PHACTR1: variants seen among roughly 807,000 people sequenced by gnomAD.
PHACTR1 encodes the protein RPEL repeat containing 1.
A neutral mutation model predicts 69.2 loss-of-function variants in PHACTR1; 16 were observed. The observed-to-expected ratio is 0.23, with a 90% CI of 0.16 to 0.35. The LOEUF is 0.35. Ranked by LOEUF, PHACTR1 falls within the 10% of genes least tolerant of loss-of-function variation. The pLI is 1.00. For synonymous variants in PHACTR1, 312 were observed against 284.5 expected (o/e 1.10, Z -0.97); for missense variants, 510 against 734.7 (o/e 0.69, Z 3.54).
intron 5 of PHACTR1, among the ~76,000 whole-genome samples, chr6:13,157,955 C>T (rs921579695): frequency 2.6e-5 from 4 of 152,082 alleles, no homozygotes; most frequent in African/African-American, 7.2e-5. Context: ...CAATCTCGCT[C>T]ACTGCAACCT....
At chr6:12,904,720 G>A (rs973780132) in intron 4 of PHACTR1, among the ~76,000 whole-genome samples, 5 of 151,944 alleles carry the variant, frequency 3.3e-5, no homozygotes, top group African/African-American at 7.3e-5. Flanking sequence ...GCACTGACCC[G>A]GACTCAGTCT....
intron 4 of PHACTR1, among the ~76,000 whole-genome samples, chr6:12,802,497 T>C (rs1158451329): frequency 6.6e-6 from 1 of 151,980 alleles, no homozygotes; most frequent in East Asian, 1.9e-4. Context: ...AGAGGAGCAA[T>C]TAGAGATGAC....
rs113696701 is a variant in PHACTR1, at chr6:12,960,091, A to C, written c.251-93274A>C. 3.2e-3 allele frequency among the ~76,000 whole-genome samples: 491 copies of C among 152,342 alleles called. 2 individuals are homozygous for C. The highest frequency in any genetic ancestry group is 0.011 in the African/African-American group (462 of 41,580). On this transcript the variant is annotated intron_variant, in intron 4 of 14. Transcript: ENST00000332995. ...TTCGGTTGACTGAGGTTTGCATTCC[A>C]ATTCTGCTACCTTTTCAGTGAGTGA...
At chr6:12,824,041 G>A (rs1332348647) in intron 4 of PHACTR1, among the ~76,000 whole-genome samples, 1 of 152,180 alleles carries the variant, frequency 6.6e-6, no homozygotes, top group East Asian at 1.9e-4. Context: ...TGAGCAGTGG[G>A]CAAGCAGGCG....
chr6:12,846,229 A>C (rs1411329855), intron 4 of PHACTR1, among the ~76,000 whole-genome samples: 2 of 152,204 alleles, frequency 1.3e-5, no homozygotes, highest in East Asian at 3.8e-4. Flanking sequence ...CTTAGTAAGC[A>C]TGTGCGTTTG....
At chr6:12,921,654 G>A (rs1787697674) in intron 4 of PHACTR1, among the ~76,000 whole-genome samples, 1 of 132,374 alleles carries the variant, frequency 7.6e-6, no homozygotes, top group Non-Finnish European at 1.6e-5. Flanking sequence ...AGGGAAGAAG[G>A]AAGGGAGGGA....
intron 3 of PHACTR1, among the ~76,000 whole-genome samples, chr6:12,719,175 G>A (rs1280300412): frequency 1.3e-5 from 2 of 152,192 alleles, no homozygotes; most frequent in African/African-American, 2.4e-5. Flanking sequence ...AGAATTTCCA[G>A]TTTGCAGCCA....
At chr6:12,849,239 T>G (rs1779586091) in intron 4 of PHACTR1, among the ~76,000 whole-genome samples, 1 of 152,230 alleles carries the variant, frequency 6.6e-6, no homozygotes, top group Admixed American at 6.5e-5. Context: ...CCAGTAGTTC[T>G]GGAAGACTTA....
rs1284736371 is a variant in PHACTR1 at position 13,275,753 on chromosome 6, T to C, written c.1448-2515T>C. On this transcript the variant is annotated intron_variant, in intron 11 of 14. Transcript: ENST00000332995. The surrounding 1 kb of genome is among the most constrained non-coding windows in gnomAD (Gnocchi z 4.0). ...ACTAGGTCCCCTCATGGCCCTAGTA[T>C]TCTGTGCTTCTGTAAATTTTCACCG... 1 of 152,188 alleles carries C rather than the reference T, an allele frequency of 6.6e-6. No homozygotes were observed. Among genetic ancestry groups the C allele is most frequent in the Non-Finnish European group, 1.5e-5 (1 of 68,040 alleles). The allele number at this position is 152,188 out of a possible 1,614,324, so 9.4% of individuals were successfully genotyped here.
At chr6:12,803,746 C>T (rs1019200890) in intron 4 of PHACTR1, among the ~76,000 whole-genome samples, 1 of 152,190 alleles carries the variant, frequency 6.6e-6, no homozygotes, top group Non-Finnish European at 1.5e-5. Context: ...GGAGCTGCCT[C>T]GTGCCTTGCA....
At chr6:12,770,509 C>G (rs1769244266) in intron 4 of PHACTR1, among the ~76,000 whole-genome samples, 1 of 152,146 alleles carries the variant, frequency 6.6e-6, no homozygotes, top group African/African-American at 2.4e-5. Context: ...GGGATGAAGC[C>G]ATGTGTGGAG....
At chr6:12,812,323 C>T (rs1775108755) in intron 4 of PHACTR1, among the ~76,000 whole-genome samples, 1 of 152,204 alleles carries the variant, frequency 6.6e-6, no homozygotes, top group Admixed American at 6.5e-5. Context: ...GTAGCATGTT[C>T]TCAGTGCTTC....
At chr6:12,812,580 A>G (rs1571995) in intron 4 of PHACTR1, among the ~76,000 whole-genome samples, 152,291 of 152,360 alleles carry the variant, frequency 1, 76,111 homozygotes, top group Middle Eastern at 1. Context: ...CAGTGTTTCT[A>G]CACTACACTG....
chr6:13,114,864 C>T lies in PHACTR1; in HGVS notation c.416-45340C>T, dbSNP rs972019710. On this transcript the variant is annotated intron_variant, in intron 5 of 14. Transcript: ENST00000332995. ...AAGTTATAAATCTAAAACATCATCACAATAATAACAGTGCACATTTTTTGA... is the reference window on the plus strand; with the variant it reads ...AAGTTATAAATCTAAAACATCATCATAATAATAACAGTGCACATTTTTTGA... Among the ~76,000 whole-genome samples, 5 of 152,184 alleles carry T rather than the reference C, an allele frequency of 3.3e-5. No individual in the cohort carries two copies. In the South Asian group the frequency reaches 1.0e-3, roughly 32 times the overall value.
chr6:13,202,212 G>A (rs1403772112), intron 7 of PHACTR1, among the ~76,000 whole-genome samples: 1 of 152,160 alleles, frequency 6.6e-6, no homozygotes, highest in African/African-American at 2.4e-5. Flanking sequence ...AAACCAAGTA[G>A]GTTTTGCTAT....
intron 8 of PHACTR1, among the ~76,000 whole-genome samples, chr6:13,226,217 T>G (rs1769657590): frequency 6.6e-6 from 1 of 152,220 alleles, no homozygotes; most frequent in African/African-American, 2.4e-5. Flanking sequence ...GATTTTTCCA[T>G]TTGTGTCACT....
At chr6:13,060,139 C>T (rs943985294) in intron 5 of PHACTR1, among the ~76,000 whole-genome samples, 4 of 151,986 alleles carry the variant, frequency 2.6e-5, no homozygotes, top group South Asian at 4.2e-4. Flanking sequence ...TACAGTTAAC[C>T]GTGTTTAATA....
At chr6:12,983,748 C>T (rs1173471482) in intron 4 of PHACTR1, among the ~76,000 whole-genome samples, 1 of 152,098 alleles carries the variant, frequency 6.6e-6, no homozygotes, top group Non-Finnish European at 1.5e-5. Context: ...TTCCTGTGTC[C>T]AAGTGTTCTC....
At chr6:13,041,339 T>TACATACATAC (rs1554113082) in intron 4 of PHACTR1, among the ~76,000 whole-genome samples, 2,358 of 135,436 alleles carry the variant, frequency 0.017, 69 homozygotes, top group African/African-American at 0.061. Flanking sequence ...TTAAAATACA[T>TACATACATAC]ACACACACAC....
Sources: gnomAD v4.1 joint callset for allele counts (sites outside exome capture counted in the v4.1 genomes callset) on GRCh38, gnomAD v4.1.1 for gene constraint, Gnocchi (gnomAD v3.1) non-coding constraint, MANE v1.5 for transcripts, NCBI Gene and HGNC (gene_info 2026-07-23, HGNC 2026-07-21) for gene names.